The following WDR1 variants were observed in gnomAD, a reference collection of about 807,000 sequenced individuals.
The protein encoded by WDR1 is WD repeat-containing protein 1.
A neutral mutation model predicts 71.9 loss-of-function variants in WDR1; 21 were observed. The observed-to-expected ratio is 0.29, with a 90% CI of 0.21 to 0.42. The LOEUF (loss-of-function observed/expected upper bound fraction) is 0.42. Among genes scored for constraint, WDR1 ranks in the 10% least tolerant of loss-of-function variants. The pLI is 1.00. For synonymous variants in WDR1, 424 were observed against 347.4 expected (o/e 1.22, Z -2.45); for missense variants, 696 against 824.5 (o/e 0.84, Z 1.91).
chr4:10,087,134 C>A (rs909212082), intron 8 of WDR1, among the ~76,000 whole-genome samples: 9 of 152,216 alleles, frequency 5.9e-5, no homozygotes, highest in African/African-American at 2.2e-4. Flanking sequence ...ACACCTGGGA[C>A]CCATGGATGA....
Position 10,087,800 on chromosome 4 carries a change from T to C in WDR1, c.858A>G (p.Leu286=), listed in dbSNP as rs542932113. Residue 286 remains leucine (L), a synonymous_variant, in exon 8 of 15, where the codon CTA becomes CTG. Transcript: ENST00000499869. Reference sequence around the variant, plus strand: ...CACTGAGCAGGTGGTCCTTCTGCCATAGGCAGCCCAGCTGCTGGTCCAGAA... The same window carrying C: ...CACTGAGCAGGTGGTCCTTCTGCCACAGGCAGCCCAGCTGCTGGTCCAGAA... ...STVLDQQLGC[L]WQKDHLLSVS... 21 of 1,596,786 alleles carry C rather than the reference T, an allele frequency of 1.3e-5. No homozygotes were observed. In the South Asian group the frequency reaches 2.2e-4, roughly 16 times the overall value.
At chr4:10,080,492 T>G (rs2109639970) in intron 11 of WDR1, among the ~76,000 whole-genome samples, 1 of 152,358 alleles carries the variant, frequency 6.6e-6, no homozygotes, top group East Asian at 1.9e-4. Flanking sequence ...TGGCAGGGAT[T>G]TCTTATTATC....
intron 3 of WDR1, among the ~76,000 whole-genome samples, chr4:10,103,489 A>C (rs929764090): frequency 6.6e-6 from 1 of 152,188 alleles, no homozygotes; most frequent in African/African-American, 2.4e-5. Flanking sequence ...GAAAAGGGGC[A>C]TTTTGGTAGC....
chr4:10,093,631 A>C (rs1712151590), intron 5 of WDR1, among the ~76,000 whole-genome samples: 4 of 151,842 alleles, frequency 2.6e-5, no homozygotes, highest in Admixed American at 2.6e-4. Flanking sequence ...ATCCTAACTA[A>C]CCGTCCTTGG....
At chr4:10,111,480 C>A (rs991969663) in intron 2 of WDR1, among the ~76,000 whole-genome samples, 3 of 152,214 alleles carry the variant, frequency 2.0e-5, no homozygotes, top group Admixed American at 6.5e-5. Context: ...GCAGGCGCTG[C>A]TGCCAGCTCG....
chr4:10,090,328 G>A (rs1352275841), intron 5 of WDR1, among the ~76,000 whole-genome samples: 1 of 152,132 alleles, frequency 6.6e-6, no homozygotes, highest in African/African-American at 2.4e-5. Context: ...GGAAACATAG[G>A]CCCAGAAAGA....
At chr4:10,093,261 T>G in intron 5 of WDR1, 3 of 699,920 alleles carry the variant, frequency 4.3e-6, no homozygotes, top group Non-Finnish European at 6.4e-6. Context: ...AGCCCACCCT[T>G]AGGCTGTTCA....
intron 14 of WDR1, 94 bp downstream of exon 14, chr4:10,077,210 C>T (rs2109631615): frequency 6.6e-7 from 1 of 1,517,390 alleles, no homozygotes; most frequent in East Asian, 2.3e-5. Context: ...GGCTACTTAG[C>T]CCTGGGGACT....
At position 10,075,094 on chromosome 4, in the gene WDR1, T is replaced by C. The variant is rs1764748009; in HGVS notation, c.*284A>G. The stretch of plus-strand genomic sequence containing the variant: ...GCTTTGGAGGCTACTGCCTCTGGAA[T>C]GTTTCGCATTCTCAAGGTTTGGTTG... On this transcript the variant is annotated 3_prime_UTR_variant, in exon 15 of 15. Coordinates refer to ENST00000499869, the MANE Select transcript of WDR1 (RefSeq NM_017491.5). 1 of 475,900 alleles carries C rather than the reference T, an allele frequency of 2.1e-6. No homozygotes were observed. The highest frequency in any genetic ancestry group is 1.9e-5 in the African/African-American group (1 of 51,406). The allele number at this position is 475,900 out of a possible 1,614,324, so 29.5% of individuals were successfully genotyped here.
chr4:10,109,710 C>T (rs1713233886), intron 2 of WDR1, among the ~76,000 whole-genome samples: 1 of 152,242 alleles, frequency 6.6e-6, no homozygotes, highest in Non-Finnish European at 1.5e-5. Context: ...CTTCCCCTCT[C>T]CTACTCCCCA....
At chr4:10,086,949 C>A (rs980939575) in intron 8 of WDR1, among the ~76,000 whole-genome samples, 2 of 152,258 alleles carry the variant, frequency 1.3e-5, no homozygotes, top group African/African-American at 4.8e-5. Flanking sequence ...TGCTCTGGCT[C>A]CTGTCCAGCT....
rs397951910 is a variant in WDR1, at chr4:10,074,756, A to AC, written c.*621_*622insG. ...AACAGTTAAGATACATTAAAAAAAA[A>AC]GGAAAGATACCCACAATTCCATTCT... is the stretch of plus-strand genomic sequence containing the variant. On this transcript the variant is annotated 3_prime_UTR_variant, in exon 15 of 15. Transcript: ENST00000499869. The AC allele has an allele frequency of 2.6e-5, 4 of 152,376 alleles. No homozygotes were observed. 9.4% of individuals were successfully genotyped at this position (152,376 alleles called of 1,614,324 possible). A position where few individuals can be genotyped will look rare whatever the true frequency, so the allele number is the denominator to read the frequency against.
At chr4:10,084,689 C>T (rs566133146) in intron 8 of WDR1, among the ~76,000 whole-genome samples, 159 bp from the exon 9 acceptor site, 420 of 152,238 alleles carry the variant, frequency 2.8e-3, no homozygotes, top group African/African-American at 9.5e-3. Flanking sequence ...CCCAGCTGCC[C>T]GAATGCACGG....
rs1225118603 is a variant in WDR1 at position 10,078,971 on chromosome 4, A to C, written c.1315T>G (p.Phe439Val). 1 of 1,611,774 alleles carries C rather than the reference A, an allele frequency of 6.2e-7. No homozygotes were observed. The highest frequency in any genetic ancestry group is 8.5e-7 in the Non-Finnish European group (1 of 1,178,802). Residue 439 changes from phenylalanine to valine, a missense_variant, in exon 12 of 15, where the codon TTC (phenylalanine) becomes GTC (valine). Phe to Val is a conservative substitution (Grantham distance 50, BLOSUM62 -1). Coordinates refer to ENST00000499869, the MANE Select transcript of WDR1 (RefSeq NM_017491.5). ...TCGTAGCCGGGGTTGTCGATGCTGAAGCACTTCCTCTGATCCTTCAGCAGG... is the reference window on the plus strand; with the variant it reads ...TCGTAGCCGGGGTTGTCGATGCTGACGCACTTCCTCTGATCCTTCAGCAGG... Reference protein sequence around the residue: ...IVLLKDQRKCFSIDNPGYEPE... With the variant: ...IVLLKDQRKCVSIDNPGYEPE...
In WDR1 at chr4:10,077,779, C is replaced by G. The variant is rs757913825; in HGVS notation, c.1543G>C (p.Val515Leu). The change falls in exon 13 of 15, where the codon GTG (valine) becomes CTG (leucine). Residue 515 changes from valine to leucine, a missense_variant. Val to Leu is a conservative substitution (Grantham distance 32). Transcript: ENST00000499869. ...GAGTAGCCGTCAGCAACGCTGAACA[C>G]TGTGACCACCTTGCTGGCGTCGCAC... Reference protein sequence around the residue: ...AVCDASKVVTVFSVADGYSEN... With the variant: ...AVCDASKVVTLFSVADGYSEN... 1 of 1,601,222 alleles carries G rather than the reference C, an allele frequency of 6.2e-7. No individual in the cohort carries two copies. The highest frequency in any genetic ancestry group is 8.5e-7 in the Non-Finnish European group (1 of 1,174,060).
chr4:10,104,912 C>G (rs906883041), intron 2 of WDR1, among the ~76,000 whole-genome samples: 3 of 152,190 alleles, frequency 2.0e-5, no homozygotes, highest in African/African-American at 7.2e-5. Context: ...CCTAGCATGA[C>G]CCCACCTGCT....
In WDR1 at chr4:10,097,708, T is replaced by C; in HGVS notation, c.558+3A>G. On this transcript the variant is annotated splice_donor_region_variant and intron_variant, in intron 5 of 14. Coordinates refer to ENST00000499869, the MANE Select transcript of WDR1 (RefSeq NM_017491.5). Reference sequence around the variant, plus strand: ...ATTTCACCCAAAAAGTAAGTTCACTTACGCCAATTGTGAACTTGAACTTGA... The same window carrying C: ...ATTTCACCCAAAAAGTAAGTTCACTCACGCCAATTGTGAACTTGAACTTGA... 6.2e-7 allele frequency: 1 copy of C among 1,607,154 alleles called. No individual in the cohort carries two copies. Among genetic ancestry groups the C allele is most frequent in the Non-Finnish European group, 8.5e-7 (1 of 1,174,770 alleles).
Position 10,077,826 on chromosome 4 carries a change from T to C in WDR1, c.1496A>G (p.His499Arg). The change falls in exon 13 of 15, where the codon CAC (histidine) becomes CGC (arginine). Residue 499 changes from histidine (H) to arginine (R), a missense_variant. Transcript: ENST00000499869. ...GCACACCGCGAGGAAGGCGCCGTCG[T>C]GGGAGTAGGCCACGTCGGTCACGGG... is the stretch of plus-strand genomic sequence containing the variant. ...KGPVTDVAYS[H>R]DGAFLAVCDA... 2.5e-6 allele frequency: 4 copies of C among 1,608,836 alleles called. No individual in the cohort carries two copies.
intron 14 of WDR1, 78 bp downstream of exon 14, chr4:10,077,226 C>A: frequency 6.3e-7 from 1 of 1,578,288 alleles, no homozygotes; most frequent in South Asian, 1.1e-5. Context: ...GGACTGAAGC[C>A]AGGGGACAGC....
Sources: gnomAD v4.1 joint callset for allele counts (sites outside exome capture counted in the v4.1 genomes callset) on GRCh38, gnomAD v4.1.1 for gene constraint, MANE v1.5 for transcripts, NCBI Gene and HGNC (gene_info 2026-07-23, HGNC 2026-07-21) for gene names.